Variants in LRRC37A2 observed in about 807,000 individuals in gnomAD.
The protein encoded by LRRC37A2 is leucine-rich repeat-containing protein 37A2.
LRRC37A2 carries 9 observed loss-of-function variants against 68.8 expected under a neutral mutation model. The observed-to-expected ratio is 0.13, with a 90% confidence interval of 0.08 to 0.23. The LOEUF (loss-of-function observed/expected upper bound fraction) is 0.23. LRRC37A2 is among the 10% of genes least tolerant of loss of function. The probability of loss-of-function intolerance (pLI) is 1.00; values close to 1 mark genes in which losing one functional copy is unlikely to be tolerated. For synonymous variants in LRRC37A2, 63 were observed against 367.6 expected, an observed-to-expected ratio of 0.17 and a Z score of 9.48; for missense variants, 168 against 950.4, an observed-to-expected ratio of 0.18 and a Z score of 10.82.
chr17:46,823,667 T>C, the LRRC37A2 span, among the ~76,000 whole-genome samples: 1 of 152,202 alleles, frequency 6.6e-6, no homozygotes, highest in Non-Finnish European at 1.5e-5. Flanking sequence ...CTTGAACTCC[T>C]GACCTCAAAT....
chr17:46,976,177 C>T, the LRRC37A2 span, among the ~76,000 whole-genome samples: 3 of 151,628 alleles, frequency 2.0e-5, no homozygotes, highest in Non-Finnish European at 4.4e-5. Flanking sequence ...CTGCCCGCCT[C>T]GGCCTCCCAA....
chr17:46,706,704 A>G, the LRRC37A2 span, among the ~76,000 whole-genome samples: 1 of 144,798 alleles, frequency 6.9e-6, no homozygotes, highest in Non-Finnish European at 1.5e-5. Context: ...TTATTTAGGA[A>G]TAAAATTATT....
chr17:46,809,343 G>A, the LRRC37A2 span, among the ~76,000 whole-genome samples: 13 of 152,332 alleles, frequency 8.5e-5, no homozygotes, highest in African/African-American at 2.9e-4. Context: ...GGCCCTGCGA[G>A]ATTGGTTTTC....
chr17:46,792,198 C>A, the LRRC37A2 span, among the ~76,000 whole-genome samples: 4 of 152,238 alleles, frequency 2.6e-5, no homozygotes, highest in Non-Finnish European at 5.9e-5. Context: ...CCCCAGGAAT[C>A]ACCCTGGCCT....
At chr17:46,779,090 CACACACACACACA>C in the LRRC37A2 span, among the ~76,000 whole-genome samples, 1 of 148,216 alleles carries the variant, frequency 6.7e-6, no homozygotes, top group African/African-American at 2.6e-5. Context: ...CACACACACA[CACACACACACACA>C]CCCCAGCCCA....
the LRRC37A2 span, among the ~76,000 whole-genome samples, chr17:46,610,116 TC>T: frequency 6.5e-5 from 8 of 122,614 alleles, no homozygotes; most frequent in African/African-American, 2.4e-4. Flanking sequence ...TCTCTCTCTC[TC>T]TCTCTCTCTT....
At chr17:46,752,540 T>C in the LRRC37A2 span, among the ~76,000 whole-genome samples, 9 of 152,274 alleles carry the variant, frequency 5.9e-5, no homozygotes, top group East Asian at 1.5e-3. Flanking sequence ...ACTGCAGTTT[T>C]GACCTCGCAG....
chr17:46,843,018 T>G, the LRRC37A2 span, among the ~76,000 whole-genome samples: 1 of 152,200 alleles, frequency 6.6e-6, no homozygotes, highest in Non-Finnish European at 1.5e-5. Context: ...AGGTAAATTA[T>G]CCTGTTGTTG....
chr17:46,951,794 G>A, the LRRC37A2 span, among the ~76,000 whole-genome samples: 1 of 152,226 alleles, frequency 6.6e-6, no homozygotes, highest in South Asian at 2.1e-4. Context: ...CCCAGGGTGG[G>A]AGAACACACA....
chr17:46,941,757 G>A, the LRRC37A2 span: 1 of 128,568 alleles, frequency 7.8e-6, no homozygotes, highest in Non-Finnish European at 1.5e-5. Flanking sequence ...TTTTTTTTTT[G>A]TATTTTTTAG....
At chr17:46,770,141 A>G in the LRRC37A2 span, 2 of 1,438,572 alleles carry the variant, frequency 1.4e-6, no homozygotes, top group Admixed American at 5.1e-5. Context: ...GAGGGGAACG[A>G]GGCCAGGAAG....
chr17:46,549,137 T>C lies in LRRC37A2; in HGVS notation c.3998T>C (p.Leu1333Pro), dbSNP rs376591627. 43 of 1,611,434 alleles carry C rather than the reference T, an allele frequency of 2.7e-5. No homozygotes were observed. Among genetic ancestry groups the C allele is most frequent in the Middle Eastern group, 1.6e-4 (1 of 6,076 alleles). The change falls in exon 10 of 15, where the codon CTG (leucine) becomes CCG (proline). Residue 1333 changes from leucine to proline, a missense_variant. Transcript: ENST00000576629. ...CCAAAGGTCAGAAAGAAAAGTTATC[T>C]GAGTAGACTGATGCTCGCAAACAGG...
chr17:46,854,307 G>A, the LRRC37A2 span, among the ~76,000 whole-genome samples: 2 of 152,218 alleles, frequency 1.3e-5, no homozygotes, highest in Non-Finnish European at 2.9e-5. Context: ...GGGAAAGTGA[G>A]GCAAAGCGCT....
At chr17:46,769,738 G>C in the LRRC37A2 span, 4 of 1,601,132 alleles carry the variant, frequency 2.5e-6, no homozygotes, top group South Asian at 1.1e-5. Context: ...GAGGGGAAGC[G>C]GGGGGCTGCT....
the LRRC37A2 span, chr17:46,751,361 T>C: frequency 3.1e-6 from 2 of 654,614 alleles, no homozygotes; most frequent in Non-Finnish European, 5.4e-6. Context: ...AAGGTCAGAC[T>C]GGATTTTAAA....
At chr17:46,827,356 A>T in the LRRC37A2 span, among the ~76,000 whole-genome samples, 1 of 152,166 alleles carries the variant, frequency 6.6e-6, no homozygotes, top group Non-Finnish European at 1.5e-5. Flanking sequence ...TGGGGCTCTT[A>T]AAATGACACA....
chr17:46,905,238 A>T, the LRRC37A2 span, among the ~76,000 whole-genome samples: 27 of 151,934 alleles, frequency 1.8e-4, no homozygotes, highest in African/African-American at 6.5e-4. Context: ...ACACCTGGCT[A>T]ATTTTTGTAT....
At chr17:47,022,967 T>C in the LRRC37A2 span, among the ~76,000 whole-genome samples, 2 of 152,266 alleles carry the variant, frequency 1.3e-5, no homozygotes, top group African/African-American at 4.8e-5. Context: ...ACTATGTAGA[T>C]ATAAAATTTT....
chr17:46,691,544 A>G, the LRRC37A2 span, among the ~76,000 whole-genome samples: 1 of 149,062 alleles, frequency 6.7e-6, no homozygotes. Context: ...GCAGTGAGCT[A>G]AGATTGCGTC....
Sources: gnomAD v4.1 joint callset for allele counts (sites outside exome capture counted in the v4.1 genomes callset) on GRCh38, gnomAD v4.1.1 for gene constraint, MANE v1.5 for transcripts, NCBI Gene and HGNC (gene_info 2026-07-23, HGNC 2026-07-21) for gene names.